ACSBG1: variants seen among roughly 807,000 people sequenced by gnomAD.
ACSBG1 encodes the protein long-chain-fatty-acid--CoA ligase ACSBG1.
ACSBG1 carries 39 observed loss-of-function variants against 80.2 expected under a neutral mutation model. The ratio of observed to expected loss-of-function variants is 0.49; its 90% CI spans 0.38 to 0.64. The LOEUF (loss-of-function observed/expected upper bound fraction) is 0.64, where lower values mean the gene tolerates loss of function less well. Among genes scored for constraint, ACSBG1 ranks in the 30% least tolerant of loss-of-function variants. ACSBG1 has a pLI of 0.00. For missense variants in ACSBG1, 828 were observed against 966.4 expected, an observed-to-expected ratio of 0.86 and a Z score of 1.90; for synonymous variants, 392 against 379.5, an observed-to-expected ratio of 1.03 and a Z score of -0.38.
chr15:78,224,486 A>G (rs1014289519), intron 1 of ACSBG1, among the ~76,000 whole-genome samples: 7 of 152,066 alleles, frequency 4.6e-5, no homozygotes, highest in African/African-American at 4.8e-5. Flanking sequence ...TTGGGAGGCC[A>G]AGGCAGGCAG....
At position 78,233,688 on chromosome 15, in the gene ACSBG1, G is replaced by A. The variant is rs140563909; in HGVS notation, c.131+683C>T. 1.4e-4 allele frequency among the ~76,000 whole-genome samples: 21 copies of A among 151,446 alleles called. No individual in the cohort carries two copies. The East Asian group carries it at 1.8e-3, about 13-fold the overall frequency. On this transcript the variant is annotated intron_variant, in intron 1 of 13. Transcript: ENST00000258873. ...ACAGATGTTGGGGTCCTGGAGTTCC[G>A]TGTGTGTGCGTGTGCGCGTGCGCCT... is the stretch of plus-strand genomic sequence containing the variant.
At chr15:78,197,046 G>A (rs376275263) in intron 2 of ACSBG1, among the ~76,000 whole-genome samples, 2 of 151,572 alleles carry the variant, frequency 1.3e-5, no homozygotes, top group South Asian at 2.1e-4. Flanking sequence ...CCTGGACAAC[G>A]GAGTGAGACC....
intron 10 of ACSBG1, 67 bp downstream of exon 10, chr15:78,179,480 TCAG>T: frequency 7.0e-7 from 1 of 1,433,594 alleles, no homozygotes; most frequent in Non-Finnish European, 9.7e-7. Flanking sequence ...CCCAGGGCAC[TCAG>T]CAGGCGGGCA....
chr15:78,175,771 G>A (rs978936447), intron 11 of ACSBG1, among the ~76,000 whole-genome samples: 12 of 152,140 alleles, frequency 7.9e-5, no homozygotes, highest in African/African-American at 2.9e-4. Flanking sequence ...GGAATCCATG[G>A]CAAGTGTCTA....
intron 5 of ACSBG1, among the ~76,000 whole-genome samples, chr15:78,183,261 T>C (rs1359590176): frequency 6.6e-6 from 1 of 152,230 alleles, no homozygotes; most frequent in East Asian, 1.9e-4. Context: ...AATATATGTA[T>C]GCAAACAAGT....
chr15:78,194,855 A>AGGGTAGACTG, intron 2 of ACSBG1, 129 bp from the exon 3 acceptor site: 4 of 910,338 alleles, frequency 4.4e-6, no homozygotes, highest in Non-Finnish European at 6.6e-6. Context: ...CTGGCAGGCC[A>AGGGTAGACTG]GGGTAGACTG....
At position 78,179,466 on chromosome 15, in the gene ACSBG1, G is replaced by T. The variant is rs994860764; in HGVS notation, c.1484+84C>A. 7 of 1,292,132 alleles carry T rather than the reference G, an allele frequency of 5.4e-6. No individual in the cohort carries two copies. The South Asian group carries it at 6.8e-5, about 13-fold the overall frequency. 80.0% of individuals were successfully genotyped at this position (1,292,132 alleles called of 1,614,324 possible). A position where few individuals can be genotyped will look rare whatever the true frequency, so the allele number is the denominator to read the frequency against. On this transcript the variant is annotated intron_variant, in intron 10 of 13. Coordinates refer to ENST00000258873, the MANE Select transcript of ACSBG1 (RefSeq NM_015162.5). ...CCCAACTGGCATGCAAAGAGAAGGG[G>T]ATCCCCAGGGCACTCAGCAGGCGGG...
chr15:78,212,317 T>C (rs930419046), intron 1 of ACSBG1, among the ~76,000 whole-genome samples: 8 of 152,156 alleles, frequency 5.3e-5, no homozygotes, highest in African/African-American at 1.9e-4. Context: ...GAAGGTGATA[T>C]ATAAGAAGTG....
Position 78,168,904 on chromosome 15 carries a change from G to T in ACSBG1, c.*2540C>A. 6.5e-7 allele frequency: 1 copy of T among 1,543,744 alleles called. No individual in the cohort carries two copies. ...GTTTGCGGATACATCTTTTATTTTT[G>T]CTTTTTCCTTTTCTCAGAGCTTGAC... is the stretch of plus-strand genomic sequence containing the variant. On this transcript the variant is annotated 3_prime_UTR_variant, in exon 14 of 14. Transcript: ENST00000258873.
At chr15:78,207,004 C>T (rs1048368901) in intron 2 of ACSBG1, among the ~76,000 whole-genome samples, 1 of 152,328 alleles carries the variant, frequency 6.6e-6, no homozygotes, top group East Asian at 1.9e-4. Flanking sequence ...CTTTGAGCAC[C>T]CCAGAGAAGG....
rs76547247 is a variant in ACSBG1 at position 78,234,099 on chromosome 15, C to T, written c.131+272G>A. Among the ~76,000 whole-genome samples the T allele has an allele frequency of 3.7e-4, 56 of 152,350 alleles. No homozygotes were observed. The East Asian group carries it at 0.01, about 27-fold the overall frequency. On this transcript the variant is annotated intron_variant, in intron 1 of 13. Coordinates refer to ENST00000258873, the MANE Select transcript of ACSBG1 (RefSeq NM_015162.5). Reference sequence around the variant, plus strand: ...CTTGACTGAAAAATTCCTCCTCCATCCAACTGAGATCCAACTGGTCTCCAA... The same window carrying T: ...CTTGACTGAAAAATTCCTCCTCCATTCAACTGAGATCCAACTGGTCTCCAA...
intron 8 of ACSBG1, 126 bp from the exon 9 acceptor site, chr15:78,181,062 G>T: frequency 1.9e-6 from 2 of 1,062,516 alleles, no homozygotes; most frequent in Non-Finnish European, 1.3e-6. Flanking sequence ...ACACCTGCAC[G>T]CAAGGGTGGC....
Position 78,178,484 on chromosome 15 carries a change from T to A in ACSBG1, c.1702+130A>T, listed in dbSNP as rs2074905588. The A allele has an allele frequency of 3.0e-6, 3 of 1,001,030 alleles. No homozygotes were observed. Among genetic ancestry groups the A allele is most frequent in the Non-Finnish European group, 4.2e-6 (3 of 707,962 alleles). The allele number at this position is 1,001,030 out of a possible 1,614,324, so 62.0% of individuals were successfully genotyped here. A position where few individuals can be genotyped will look rare whatever the true frequency, so the allele number is the denominator to read the frequency against. ...CAGCTAATTTTTCGTGTGTTTTTAG[T>A]AGAGATGGGGTTTCGCTGTGCTGCC... On this transcript the variant is annotated intron_variant, in intron 11 of 13. Coordinates refer to ENST00000258873, the MANE Select transcript of ACSBG1 (RefSeq NM_015162.5). The surrounding 1 kb of genome is among the most constrained non-coding windows in gnomAD (Gnocchi z 4.3).
At chr15:78,216,559 T>C (rs2075313678) in intron 1 of ACSBG1, among the ~76,000 whole-genome samples, 1 of 152,050 alleles carries the variant, frequency 6.6e-6, no homozygotes, top group Non-Finnish European at 1.5e-5. Flanking sequence ...CCTATAATCT[T>C]TCAGAAAGGG....
rs140526655 is a variant in ACSBG1, at chr15:78,228,940, C to A, written c.131+5431G>T. On this transcript the variant is annotated intron_variant, in intron 1 of 13. Transcript: ENST00000258873. The stretch of plus-strand genomic sequence containing the variant: ...ACCAACCCTCAAGACCAAGTCAGAT[C>A]TTCGTTATATTCTATTTTTTTTAAT... 9.9e-5 allele frequency among the ~76,000 whole-genome samples: 15 copies of A among 152,242 alleles called. 1 individual carries two copies. Among genetic ancestry groups the A allele is most frequent in the Middle Eastern group, 6.8e-3 (2 of 294 alleles).
At chr15:78,196,342 A>G (rs1469569811) in intron 2 of ACSBG1, among the ~76,000 whole-genome samples, 3 of 152,228 alleles carry the variant, frequency 2.0e-5, no homozygotes, top group South Asian at 2.1e-4. Flanking sequence ...GCATTTTGCT[A>G]AAGTCCATGC....
intron 5 of ACSBG1, 80 bp downstream of exon 5, chr15:78,193,426 G>A: frequency 6.5e-7 from 1 of 1,535,964 alleles, no homozygotes; most frequent in Non-Finnish European, 8.8e-7. Flanking sequence ...TGGAGGGCGG[G>A]AAGGTTCCGT....
At chr15:78,207,736 C>G in intron 2 of ACSBG1, 7 of 471,030 alleles carry the variant, frequency 1.5e-5, no homozygotes, top group Non-Finnish European at 2.3e-5. Flanking sequence ...TCCTACCTGT[C>G]TCTCTATCTC....
intron 1 of ACSBG1, among the ~76,000 whole-genome samples, chr15:78,233,789 T>A (rs2075469576): frequency 6.6e-6 from 1 of 152,216 alleles, no homozygotes; most frequent in African/African-American, 2.4e-5. Context: ...CCCTACTCCC[T>A]GGATGGACAG....
Sources: allele counts gnomAD v4.1 joint callset (sites outside exome capture counted in the v4.1 genomes callset), GRCh38; gene constraint gnomAD v4.1.1; non-coding constraint Gnocchi (gnomAD v3.1); transcripts MANE v1.5; gene names NCBI Gene and HGNC (gene_info 2026-07-23, HGNC 2026-07-21).